L3MBTL4: variants seen among roughly 807,000 people sequenced by gnomAD.
The protein encoded by L3MBTL4 is L3MBTL histone methyl-lysine binding protein 4.
A neutral mutation model predicts 84.5 loss-of-function variants in L3MBTL4; 70 were observed. That is an observed-to-expected ratio of 0.83 (90% CI 0.68 to 1.01). The LOEUF (loss-of-function observed/expected upper bound fraction) is 1.01, where lower values mean the gene tolerates loss of function less well. Among genes scored for constraint, L3MBTL4 ranks in the 50% least tolerant of loss-of-function variants. The pLI is 0.00. For synonymous variants in L3MBTL4, 274 were observed against 259.8 expected (o/e 1.05, Z -0.52); for missense variants, 715 against 754.8 (o/e 0.95, Z 0.62).
Position 6,241,418 on chromosome 18 carries a change from A to G in L3MBTL4, c.492T>C (p.Asp164=). Residue 164 remains aspartate, a synonymous_variant, in exon 8 of 19, where the codon GAT becomes GAC. Transcript: ENST00000317931. ...GYRKDKFVWM[D]YLKACKLQNA... is the part of the protein sequence containing the mutation. ...TTTGCAATTTGCAGGCCTTCAAGTA[A>G]TCCATCCAAACAAATTTATCTTTTC... is the stretch of plus-strand genomic sequence containing the variant. 6.2e-7 allele frequency: 1 copy of G among 1,601,762 alleles called. No homozygotes were observed. Among genetic ancestry groups the G allele is most frequent in the Non-Finnish European group, 8.5e-7 (1 of 1,172,644 alleles).
intron 10 of L3MBTL4, among the ~76,000 whole-genome samples, chr18:6,222,062 A>G (rs1211605304): frequency 6.6e-6 from 1 of 152,224 alleles, no homozygotes; most frequent in Non-Finnish European, 1.5e-5. Context: ...AGCCTAATTC[A>G]GGTTCACCCT....
intron 13 of L3MBTL4, among the ~76,000 whole-genome samples, chr18:6,149,945 C>T (rs1050569757): frequency 6.6e-6 from 1 of 152,100 alleles, no homozygotes; most frequent in Non-Finnish European, 1.5e-5. Context: ...GGGATGATAA[C>T]GTGTATACTC....
At chr18:5,968,556 G>A (rs1350478304) in intron 17 of L3MBTL4, among the ~76,000 whole-genome samples, 3 of 152,044 alleles carry the variant, frequency 2.0e-5, no homozygotes, top group African/African-American at 7.3e-5. Context: ...AATTAGCTAG[G>A]TGTGGTGGCA....
chr18:6,307,699 A>C (rs2050654352), intron 3 of L3MBTL4, among the ~76,000 whole-genome samples: 1 of 152,070 alleles, frequency 6.6e-6, no homozygotes, highest in African/African-American at 2.4e-5. Flanking sequence ...GCAATAGTCT[A>C]AGATCCTTTT....
intron 1 of L3MBTL4, among the ~76,000 whole-genome samples, chr18:6,401,506 A>G (rs2055509756): frequency 6.6e-6 from 1 of 152,178 alleles, no homozygotes; most frequent in Admixed American, 6.5e-5. Context: ...CAAAAAATGC[A>G]CCGGGCAAGA....
chr18:6,372,790 A>AT (rs2054208985), intron 1 of L3MBTL4, among the ~76,000 whole-genome samples: 1 of 152,146 alleles, frequency 6.6e-6, no homozygotes, highest in Non-Finnish European at 1.5e-5. Context: ...CTTTGTGATC[A>AT]TTTTTCTTTA....
At position 6,136,981 on chromosome 18, in the gene L3MBTL4, C is replaced by A. The variant is rs145421379; in HGVS notation, c.1199+1213G>T. On this transcript the variant is annotated intron_variant, in intron 14 of 18. Transcript: ENST00000317931. ...TTTCTCAAGTTGCCCTCCTGGCCTTCTTCCAAGTGCACTTTACTTCCTTTT... is the reference window on the plus strand; with the variant it reads ...TTTCTCAAGTTGCCCTCCTGGCCTTATTCCAAGTGCACTTTACTTCCTTTT... 2.6e-3 allele frequency among the ~76,000 whole-genome samples: 398 copies of A among 152,338 alleles called. 2 individuals are homozygous for A. Among genetic ancestry groups the A allele is most frequent in the African/African-American group, 9.1e-3 (379 of 41,580 alleles).
At chr18:6,264,905 C>T (rs1279232417) in intron 4 of L3MBTL4, among the ~76,000 whole-genome samples, 1 of 152,220 alleles carries the variant, frequency 6.6e-6, no homozygotes, top group Non-Finnish European at 1.5e-5. Flanking sequence ...TAGAATCCCA[C>T]ATCAAATTAA....
At chr18:6,156,642 T>G (rs2144922074) in intron 13 of L3MBTL4, among the ~76,000 whole-genome samples, 1 of 152,316 alleles carries the variant, frequency 6.6e-6, no homozygotes, top group Non-Finnish European at 1.5e-5. Context: ...ATATGCTGAC[T>G]TGCATAAATC....
At chr18:6,152,950 G>A (rs1005151180) in intron 13 of L3MBTL4, among the ~76,000 whole-genome samples, 1 of 152,096 alleles carries the variant, frequency 6.6e-6, no homozygotes, top group Non-Finnish European at 1.5e-5. Context: ...TCTTCTGCAT[G>A]TGGATATGTA....
At chr18:6,021,049 A>G (rs913950706) in intron 16 of L3MBTL4, among the ~76,000 whole-genome samples, 2 of 152,206 alleles carry the variant, frequency 1.3e-5, no homozygotes, top group African/African-American at 2.4e-5. Flanking sequence ...GAGAAAATTG[A>G]GTCTAGGATG....
In L3MBTL4 at chr18:5,956,145, A is replaced by C. The variant is rs532025534; in HGVS notation, c.*75T>G. On this transcript the variant is annotated 3_prime_UTR_variant, in exon 19 of 19. Coordinates refer to ENST00000317931, the MANE Select transcript of L3MBTL4 (RefSeq NM_001330559.2). ...TGGATACGGCCATGGGGACATTCAC[A>C]TCAAATTAATGTGCTCCACTTTTAT... 56 of 1,272,956 alleles carry C rather than the reference A, an allele frequency of 4.4e-5. No individual in the cohort carries two copies. Among genetic ancestry groups the C allele is most frequent in the Non-Finnish European group, 5.8e-5 (52 of 896,368 alleles). 78.9% of individuals were successfully genotyped at this position (1,272,956 alleles called of 1,614,324 possible).
chr18:6,322,194 A>G (rs770543941), intron 1 of L3MBTL4, among the ~76,000 whole-genome samples: 3 of 151,624 alleles, frequency 2.0e-5, no homozygotes, highest in Non-Finnish European at 4.4e-5. Context: ...TCATATATAC[A>G]AATTTAAAAA....
At chr18:6,140,552 C>T (rs907267792) in intron 13 of L3MBTL4, among the ~76,000 whole-genome samples, 21 of 152,086 alleles carry the variant, frequency 1.4e-4, no homozygotes, top group African/African-American at 4.8e-4. Context: ...CAGAGCAGAG[C>T]GCCTCCTCAC....
intron 9 of L3MBTL4, among the ~76,000 whole-genome samples, chr18:6,238,498 A>T (rs1269050067): frequency 1.3e-5 from 2 of 152,050 alleles, no homozygotes; most frequent in Non-Finnish European, 2.9e-5. Context: ...GCGCCACTGC[A>T]CTCCAGCCTG....
At chr18:6,165,829 AATATTAACCTT>A (rs1472168020) in intron 13 of L3MBTL4, among the ~76,000 whole-genome samples, 1 of 152,210 alleles carries the variant, frequency 6.6e-6, no homozygotes, top group Non-Finnish European at 1.5e-5. Flanking sequence ...CACATATAAC[AATATTAACCTT>A]AAATGTAAAT....
chr18:6,103,717 A>G (rs2058907965), intron 14 of L3MBTL4, among the ~76,000 whole-genome samples: 1 of 152,258 alleles, frequency 6.6e-6, no homozygotes, highest in African/African-American at 2.4e-5. Flanking sequence ...ATATTTATGT[A>G]TACCCGCAAG....
chr18:6,213,251 A>G lies in L3MBTL4; in HGVS notation c.879T>C (p.Pro293=), dbSNP rs755141123. 1.3e-6 allele frequency: 2 copies of G among 1,591,236 alleles called. No homozygotes were observed. The highest frequency in any genetic ancestry group is 1.7e-6 in the Non-Finnish European group (2 of 1,164,458). ...VPAKVFKMRL[P]HGFLPNMKLE... ...GTTTCATATTTGGCAGAAAACCATG[A>G]GGCAACCTCTGTAAATGTTATTATA... Residue 293 remains proline (P), a synonymous_variant, in exon 12 of 19, where the codon CCT becomes CCC. Transcript: ENST00000317931.
chr18:6,278,942 A>C (rs2049205274), intron 4 of L3MBTL4, among the ~76,000 whole-genome samples: 2 of 152,182 alleles, frequency 1.3e-5, no homozygotes. Context: ...CATATGGAAC[A>C]TACTGGTTTC....
Sources: allele counts gnomAD v4.1 joint callset (sites outside exome capture counted in the v4.1 genomes callset), GRCh38; gene constraint gnomAD v4.1.1; transcripts MANE v1.5; gene names NCBI Gene and HGNC (gene_info 2026-07-23, HGNC 2026-07-21).